Variants in PTPRT observed in about 807,000 individuals in gnomAD.
PTPRT encodes the protein protein tyrosine phosphatase receptor type T.
PTPRT carries 56 observed loss-of-function variants against 176.8 expected under a neutral mutation model. That is an observed-to-expected ratio of 0.32 (90% CI 0.26 to 0.40). The LOEUF (loss-of-function observed/expected upper bound fraction) is 0.40, where lower values mean the gene tolerates loss of function less well. PTPRT is among the 10% of genes least tolerant of loss of function. The probability of loss-of-function intolerance (pLI) is 1.00; values close to 1 mark genes in which losing one functional copy is unlikely to be tolerated. For missense variants in PTPRT, 1,540 were observed against 1,908.2 expected (o/e 0.81, Z 3.60); for synonymous variants, 783 against 739.0 (o/e 1.06, Z -0.96).
intron 7 of PTPRT, among the ~76,000 whole-genome samples, chr20:42,525,188 A>G (rs879809971): frequency 1.3e-5 from 2 of 152,118 alleles, no homozygotes; most frequent in East Asian, 1.9e-4. Context: ...AGGTCTCCCT[A>G]TGTTGCCCAG....
In PTPRT at chr20:42,739,291, T is replaced by C. The variant is rs11475721; in HGVS notation, c.859+17171A>G. Among the ~76,000 whole-genome samples the C allele has an allele frequency of 9.6e-4, 22 of 22,894 alleles. No homozygotes were observed. The East Asian group carries it at 0.024, about 25-fold the overall frequency. 15.0% of individuals were successfully genotyped at this position (22,894 alleles called of 152,430 possible). Reference sequence around the variant, plus strand: ...ATTAATAAGAAATGAAAGGGAGAGATAAAAAAAAAGCAGGATTTACAGGGA... The same window carrying C: ...ATTAATAAGAAATGAAAGGGAGAGACAAAAAAAAAGCAGGATTTACAGGGA... On this transcript the variant is annotated intron_variant, in intron 6 of 30. Coordinates refer to ENST00000373187, the MANE Select transcript of PTPRT (RefSeq NM_007050.6).
At chr20:42,821,773 A>C (rs1056592214) in intron 2 of PTPRT, among the ~76,000 whole-genome samples, 2 of 152,192 alleles carry the variant, frequency 1.3e-5, no homozygotes, top group African/African-American at 2.4e-5. Context: ...GACAATAGGC[A>C]AGCAGAGAGC....
chr20:42,482,149 GGGACGAGAGAGGGAGAA>G (rs1362823599), intron 7 of PTPRT, among the ~76,000 whole-genome samples: 2 of 152,002 alleles, frequency 1.3e-5, no homozygotes, highest in Non-Finnish European at 2.9e-5. Context: ...TGTATAGAAG[GGGACGAGAGAGGGAGAA>G]AAGGGAGCGG....
intron 18 of PTPRT, among the ~76,000 whole-genome samples, chr20:42,133,367 AT>A (rs1460715904): frequency 2.6e-5 from 4 of 152,240 alleles, no homozygotes; most frequent in Non-Finnish European, 5.9e-5. Flanking sequence ...AGAAGCAGAA[AT>A]GAGTTATCAA....
chr20:43,144,008 GGT>G (rs1465446225), intron 1 of PTPRT, among the ~76,000 whole-genome samples: 2 of 152,134 alleles, frequency 1.3e-5, no homozygotes, highest in Non-Finnish European at 2.9e-5. Flanking sequence ...TTTGGGTTCT[GGT>G]TCTTCCATCC....
At chr20:43,126,608 T>G (rs1600730264) in intron 1 of PTPRT, among the ~76,000 whole-genome samples, 1 of 152,328 alleles carries the variant, frequency 6.6e-6, no homozygotes, top group Non-Finnish European at 1.5e-5. Context: ...ACAAAGATGC[T>G]AAGACTTCCC....
At chr20:42,429,846 G>A (rs1294433036) in intron 9 of PTPRT, among the ~76,000 whole-genome samples, 1 of 152,232 alleles carries the variant, frequency 6.6e-6, no homozygotes, top group African/African-American at 2.4e-5. Flanking sequence ...GAGGATGCAA[G>A]AAAGGAGGAA....
chr20:42,823,044 C>T (rs375139388), intron 2 of PTPRT, among the ~76,000 whole-genome samples: 1 of 152,252 alleles, frequency 6.6e-6, no homozygotes, highest in African/African-American at 2.4e-5. Context: ...TGGGTATATA[C>T]CCAGAGGAAC....
intron 1 of PTPRT, among the ~76,000 whole-genome samples, chr20:43,132,889 GATATA>G (rs1289307859): frequency 6.6e-6 from 1 of 152,028 alleles, no homozygotes; most frequent in Non-Finnish European, 1.5e-5. Flanking sequence ...TAGTTTATAT[GATATA>G]ATATGACATA....
chr20:43,136,888 A>G (rs1196402832), intron 1 of PTPRT, among the ~76,000 whole-genome samples: 1 of 152,188 alleles, frequency 6.6e-6, no homozygotes, highest in Non-Finnish European at 1.5e-5. Context: ...TCCCGAGTTT[A>G]TTTGAAGACG....
chr20:42,058,699 G>A, the PTPRT span, among the ~76,000 whole-genome samples: 4 of 152,194 alleles, frequency 2.6e-5, no homozygotes, highest in Non-Finnish European at 4.4e-5. Flanking sequence ...GGCACCTAGA[G>A]GAAATCTTTC....
rs112074070 is a variant in PTPRT, at chr20:42,223,441, C to A, written c.2342+12788G>T. On this transcript the variant is annotated intron_variant, in intron 15 of 30. Coordinates refer to ENST00000373187, the MANE Select transcript of PTPRT (RefSeq NM_007050.6). Reference sequence around the variant, plus strand: ...AGTCCATGCTCTTTTCGCTACAATGCTGCTTCCAGGTGTTGCTTATTGTTT... The same window carrying A: ...AGTCCATGCTCTTTTCGCTACAATGATGCTTCCAGGTGTTGCTTATTGTTT... 1.3e-4 allele frequency among the ~76,000 whole-genome samples: 20 copies of A among 152,310 alleles called. 2 individuals are homozygous for A. The South Asian group carries it at 2.5e-3, about 19-fold the overall frequency.
At chr20:42,621,635 T>G (rs1029503665) in intron 7 of PTPRT, among the ~76,000 whole-genome samples, 2 of 152,216 alleles carry the variant, frequency 1.3e-5, no homozygotes, top group Non-Finnish European at 2.9e-5. Context: ...CTTCTGGATT[T>G]GCTGTGCTGG....
chr20:42,095,958 T>A (rs1049049919), intron 27 of PTPRT, among the ~76,000 whole-genome samples: 2 of 152,210 alleles, frequency 1.3e-5, no homozygotes, highest in African/African-American at 2.4e-5. Context: ...CCTACCTTCC[T>A]GACTTTCATA....
In PTPRT at chr20:43,078,549, C is replaced by T. The variant is rs147750899; in HGVS notation, c.88+111097G>A. 3.9e-3 allele frequency among the ~76,000 whole-genome samples: 597 copies of T among 152,218 alleles called. 3 individuals are homozygous for T. The highest frequency in any genetic ancestry group is 0.013 in the African/African-American group (546 of 41,512). On this transcript the variant is annotated intron_variant, in intron 1 of 30. Coordinates refer to ENST00000373187, the MANE Select transcript of PTPRT (RefSeq NM_007050.6). ...TTTTGGTTTGATAGCTCCTGTTTCA[C>T]GCACACTCACTCTCTAAAATGAAAC...
chr20:43,134,473 G>C (rs915120140), intron 1 of PTPRT, among the ~76,000 whole-genome samples: 1 of 152,132 alleles, frequency 6.6e-6, no homozygotes, highest in African/African-American at 2.4e-5. Context: ...GGTCAGTTTA[G>C]CCAGAATTCC....
intron 6 of PTPRT, among the ~76,000 whole-genome samples, chr20:42,744,946 A>G (rs2076670602): frequency 6.6e-6 from 1 of 152,204 alleles, no homozygotes. Context: ...CAGCTGCTTC[A>G]CCACTTTATC....
At chr20:42,721,835 T>C (rs777852763) in intron 6 of PTPRT, among the ~76,000 whole-genome samples, 8 of 152,206 alleles carry the variant, frequency 5.3e-5, no homozygotes, top group Non-Finnish European at 1.2e-4. Flanking sequence ...CCTCCACTTA[T>C]CAACAGGCCA....
chr20:42,916,977 T>G (rs1978808870), intron 1 of PTPRT, among the ~76,000 whole-genome samples: 1 of 152,228 alleles, frequency 6.6e-6, no homozygotes, highest in South Asian at 2.1e-4. Flanking sequence ...GAGATCCCAT[T>G]TGTCTATTTT....
Sources: gnomAD v4.1 joint callset for allele counts (sites outside exome capture counted in the v4.1 genomes callset) on GRCh38, gnomAD v4.1.1 for gene constraint, MANE v1.5 for transcripts, NCBI Gene and HGNC (gene_info 2026-07-23, HGNC 2026-07-21) for gene names.